CELA3B: variants seen among roughly 807,000 people sequenced by gnomAD.
CELA3B encodes chymotrypsin-like elastase family member 3B.
A neutral mutation model predicts 37.2 loss-of-function variants in CELA3B; 34 were observed. That is an observed-to-expected ratio of 0.91 (90% CI 0.70 to 1.22). CELA3B has a LOEUF of 1.22. CELA3B is among the 50% of genes most tolerant of loss of function. CELA3B has a pLI of 0.00. For synonymous variants in CELA3B, 127 were observed against 143.5 expected (o/e 0.89, Z 0.82); for missense variants, 340 against 363.1 (o/e 0.94, Z 0.52).
intron 4 of CELA3B, among the ~76,000 whole-genome samples, chr1:21,994,871 G>A (rs1644883559): frequency 2.0e-5 from 3 of 150,102 alleles, no homozygotes; most frequent in Non-Finnish European, 3.0e-5. Context: ...GCGTGGTGGT[G>A]CGTGCCTGCA....
chr1:21,983,448 A>C (rs1012013697), intron 4 of CELA3B, among the ~76,000 whole-genome samples: 2 of 152,166 alleles, frequency 1.3e-5, no homozygotes, highest in African/African-American at 2.4e-5. Context: ...CAGGAGGTGA[A>C]AGCAGGAGGA....
chr1:21,989,296 G>T lies in CELA3B; in HGVS notation c.*17G>T. 1 of 1,533,396 alleles carries T rather than the reference G, an allele frequency of 6.5e-7. No homozygotes were observed. The highest frequency in any genetic ancestry group is 9.0e-7 in the Non-Finnish European group (1 of 1,114,182). The allele number at this position is 1,533,396 out of a possible 1,614,324, so 95.0% of individuals were successfully genotyped here. ...AGCCACTAGAACCAAGGCCCAGCTG[G>T]CAGTGCTGATCGATCCCACATCCTG... On this transcript the variant is annotated 3_prime_UTR_variant, in exon 8 of 8. Coordinates refer to ENST00000337107, the MANE Select transcript of CELA3B (RefSeq NM_007352.4).
At position 21,977,094 on chromosome 1, in the gene CELA3B, A is replaced by G. The variant is rs779820236; in HGVS notation, c.43+12A>G. On this transcript the variant is annotated intron_variant, in intron 1 of 7. Transcript: ENST00000337107. ...CCTTGTGGCCGTTGGTAAGACCCCA[A>G]CCTGTGTGTGTGCTCCCTGGGCTGC... is the stretch of plus-strand genomic sequence containing the variant. The G allele has an allele frequency of 3.7e-6, 6 of 1,614,070 alleles. 1 individual carries two copies. In the Admixed American group the frequency reaches 8.3e-5, roughly 22 times the overall value.
chr1:21,981,979 C>T (rs1226752577), intron 4 of CELA3B, among the ~76,000 whole-genome samples: 1 of 152,060 alleles, frequency 6.6e-6, no homozygotes, highest in African/African-American at 2.4e-5. Flanking sequence ...CCCGCCTCGG[C>T]CTCCCAAAGT....
chr1:21,978,857 G>A (rs527492878), intron 2 of CELA3B, among the ~76,000 whole-genome samples: 55 of 151,930 alleles, frequency 3.6e-4, no homozygotes, highest in African/African-American at 1.3e-3. Context: ...AGCTCAGAAG[G>A]CTGGACTTGA....
At chr1:21,981,941 G>A (rs1383667476) in intron 4 of CELA3B, among the ~76,000 whole-genome samples, 1 of 152,054 alleles carries the variant, frequency 6.6e-6, no homozygotes, top group Non-Finnish European at 1.5e-5. Context: ...TAGCCAGGAT[G>A]ATCTCGATCT....
intron 4 of CELA3B, among the ~76,000 whole-genome samples, chr1:21,982,465 C>T (rs537857724): frequency 8.6e-5 from 13 of 151,930 alleles, no homozygotes; most frequent in South Asian, 4.2e-4. Flanking sequence ...GGTGTGGTGA[C>T]GCGCACCTAT....
At position 21,980,924 on chromosome 1, in the gene CELA3B, G is replaced by A. The variant is rs1263479092; in HGVS notation, c.227+3G>A. On this transcript the variant is annotated splice_donor_region_variant and intron_variant, in intron 3 of 7. Coordinates refer to ENST00000337107, the MANE Select transcript of CELA3B (RefSeq NM_007352.4). ...GTGACTGCCGGCCACTGCATCTCGT[G>A]AGTTCTCTACCCTGTCCCTGCCTGT... is the stretch of plus-strand genomic sequence containing the variant. 1 of 1,613,738 alleles carries A rather than the reference G, an allele frequency of 6.2e-7. No individual in the cohort carries two copies. The highest frequency in any genetic ancestry group is 8.5e-7 in the Non-Finnish European group (1 of 1,179,974).
intron 4 of CELA3B, among the ~76,000 whole-genome samples, chr1:21,982,843 A>G (rs1644813309): frequency 4.0e-5 from 1 of 25,160 alleles, no homozygotes; most frequent in Admixed American, 5.6e-4. Flanking sequence ...AAGCCCAGCT[A>G]ATTTTTTTTG....
intron 1 of CELA3B, among the ~76,000 whole-genome samples, chr1:21,978,137 C>A (rs1468293155): frequency 7.1e-6 from 1 of 141,784 alleles, no homozygotes; most frequent in Non-Finnish European, 1.5e-5. Context: ...TTCAATCCTC[C>A]CAATGAAGGA....
intron 6 of CELA3B, among the ~76,000 whole-genome samples, chr1:21,985,567 T>C (rs1257170389): frequency 6.6e-6 from 1 of 151,718 alleles, no homozygotes; most frequent in African/African-American, 2.4e-5. Context: ...TGTGAGCCAC[T>C]TTCCTGGACT....
At chr1:21,992,362 C>T (rs184220400), downstream of CELA3B, among the ~76,000 whole-genome samples, 316 of 151,898 alleles carry the variant, frequency 2.1e-3, no homozygotes, top group African/African-American at 7.4e-3. Context: ...CTGTGAATAG[C>T]CACTGCACTC....
Position 21,994,477 on chromosome 1 carries a change from G to T in CELA3B, c.505-3674G>T, listed in dbSNP as rs775114745. 2.7e-5 allele frequency among the ~76,000 whole-genome samples: 4 copies of T among 150,768 alleles called. 1 individual carries two copies. In the East Asian group the frequency reaches 5.9e-4, roughly 22 times the overall value. ...CTGGCTTCTCTGCACCTCCCTCACCGAGACAGCCAATTCCCCAGATTAAAT... is the reference window on the plus strand; with the variant it reads ...CTGGCTTCTCTGCACCTCCCTCACCTAGACAGCCAATTCCCCAGATTAAAT... On this transcript the variant is annotated intron_variant, in intron 4 of 4. Transcript: ENST00000400277.
In CELA3B at chr1:21,984,221, G is replaced by C; in HGVS notation, c.532G>C (p.Ala178Pro). The C allele has an allele frequency of 6.2e-7, 1 of 1,614,124 alleles. No individual in the cohort carries two copies. Among genetic ancestry groups the C allele is most frequent in the Non-Finnish European group, 8.5e-7 (1 of 1,179,990 alleles). ...GCCACTCCCAGACAAGCTGCAGGAG[G>C]CCCTGCTGCCGGTGGTGGACTATGA... ...NGPLPDKLQE[A>P]LLPVVDYEHC... Residue 178 changes from alanine to proline, a missense_variant, in exon 6 of 8, where the codon GCC (alanine) becomes CCC (proline). By Grantham distance (27) the Ala-to-Pro change is conservative. Transcript: ENST00000337107.
At chr1:21,998,237 G>C (rs1395847693) in exon 5 of CELA3B, 1 of 467,678 alleles carries the variant, frequency 2.1e-6, no homozygotes, top group Non-Finnish European at 4.4e-6. Flanking sequence ...TAAAGGCTCT[G>C]AGAAGTCCTG....
chr1:21,985,845 C>T (rs572057983), intron 6 of CELA3B, among the ~76,000 whole-genome samples: 66 of 151,850 alleles, frequency 4.3e-4, no homozygotes, highest in Non-Finnish European at 9.0e-4. Context: ...GAGCCGAGAT[C>T]GCGCCCCTGC....
At chr1:21,979,988 G>A (rs148758365) in intron 2 of CELA3B, among the ~76,000 whole-genome samples, 26,759 of 36,638 alleles carry the variant, frequency 0.73, 11,221 homozygotes, top group Non-Finnish European at 0.93. Context: ...AGAAATGAAT[G>A]TGACTATTTC....
intron 7 of CELA3B, chr1:21,988,002 G>C (rs1388821748): frequency 1.3e-5 from 2 of 148,216 alleles, no homozygotes; most frequent in Non-Finnish European, 3.0e-5. Flanking sequence ...CCTGAGGTCA[G>C]GAGTTCAAGA....
At chr1:21,988,531 C>T (rs1380056905) in intron 7 of CELA3B, among the ~76,000 whole-genome samples, 1 of 147,158 alleles carries the variant, frequency 6.8e-6, no homozygotes. Flanking sequence ...GCAGAAGTTG[C>T]AGTGAGCCAA....
Sources: gnomAD v4.1 joint callset for allele counts (sites outside exome capture counted in the v4.1 genomes callset) on GRCh38, gnomAD v4.1.1 for gene constraint, MANE v1.5 for transcripts, NCBI Gene and HGNC (gene_info 2026-07-23, HGNC 2026-07-21) for gene names.